The following GREB1 variants were observed in gnomAD, a reference collection of about 807,000 sequenced individuals.
The protein encoded by GREB1 is growth regulating estrogen receptor binding 1, also known as protein GREB1.
A neutral mutation model predicts 200.7 loss-of-function variants in GREB1; 106 were observed. The ratio of observed to expected loss-of-function variants is 0.53; its 90% CI spans 0.45 to 0.62. The LOEUF (loss-of-function observed/expected upper bound fraction) is 0.62, where lower values mean the gene tolerates loss of function less well. Among genes scored for constraint, GREB1 ranks in the 20% least tolerant of loss-of-function variants. The pLI is 0.00. For synonymous variants in GREB1, 1,132 were observed against 1,092.4 expected, an observed-to-expected ratio of 1.04 and a Z score of -0.72; for missense variants, 2,243 against 2,556.8, an observed-to-expected ratio of 0.88 and a Z score of 2.65.
upstream of GREB1, among the ~76,000 whole-genome samples, chr2:11,529,585 C>A (rs1371802759): frequency 1.3e-5 from 2 of 152,206 alleles, no homozygotes; most frequent in Non-Finnish European, 2.9e-5. Flanking sequence ...AGTTCCCTGG[C>A]AGCTTTGTGA....
intron 1 of GREB1, among the ~76,000 whole-genome samples, chr2:11,550,206 A>C (rs1187900268): frequency 6.6e-6 from 1 of 152,210 alleles, no homozygotes; most frequent in Admixed American, 6.5e-5. Flanking sequence ...AACAAGAGCG[A>C]AACTCTGTCT....
chr2:11,504,771 C>T (rs960025805), intron 1 of GREB1, among the ~76,000 whole-genome samples: 3 of 152,138 alleles, frequency 2.0e-5, no homozygotes, highest in Admixed American at 2.0e-4. Context: ...TTGCTTATTT[C>T]TACTTGTTGG....
intron 9 of GREB1, chr2:11,587,693 T>TAA (rs767651127): frequency 3.1e-6 from 3 of 980,318 alleles, no homozygotes; most frequent in Non-Finnish European, 3.8e-6. Context: ...GAGTACAAGA[T>TAA]AACACACACA....
intron 6 of GREB1, among the ~76,000 whole-genome samples, chr2:11,578,801 C>G (rs914489167): frequency 6.6e-6 from 1 of 152,196 alleles, no homozygotes; most frequent in Non-Finnish European, 1.5e-5. Flanking sequence ...TGCTGCCATT[C>G]ACCCCGTGCT....
At chr2:11,531,247 G>C (rs1674062820), upstream of GREB1, among the ~76,000 whole-genome samples, 1 of 152,174 alleles carries the variant, frequency 6.6e-6, no homozygotes, top group Admixed American at 6.5e-5. Context: ...TGTTGAGCTA[G>C]AGCCTAGGCT....
chr2:11,630,163 G>A, intron 26 of GREB1, 54 bp downstream of exon 26: 1 of 1,565,358 alleles, frequency 6.4e-7, no homozygotes, highest in Non-Finnish European at 8.8e-7. Flanking sequence ...ACTGGGGACT[G>A]AGCCGGGGAC....
intron 2 of GREB1, among the ~76,000 whole-genome samples, chr2:11,558,644 G>A (rs1267827989): frequency 6.6e-6 from 1 of 152,158 alleles, no homozygotes; most frequent in Non-Finnish European, 1.5e-5. Flanking sequence ...ACTCTTTTTG[G>A]TTTGCTAAAT....
chr2:11,549,737 G>C (rs1205594542), intron 1 of GREB1, among the ~76,000 whole-genome samples: 2 of 152,106 alleles, frequency 1.3e-5, no homozygotes, highest in Non-Finnish European at 2.9e-5. Context: ...TTCTGTTCTT[G>C]TTTTGTGGAT....
At position 11,610,997 on chromosome 2, in the gene GREB1, C is replaced by G; in HGVS notation, c.2976C>G (p.Thr992=). The change falls in exon 18 of 33, where the codon ACC becomes ACG. Residue 992 remains threonine, a synonymous_variant. Transcript: ENST00000381486. Reference sequence around the variant, plus strand: ...TGGGCAGTCCCAGCTCAGGCGTCACCGTGGGGAAGCACTTCGTAAAGCAGC... The same window carrying G: ...TGGGCAGTCCCAGCTCAGGCGTCACGGTGGGGAAGCACTTCGTAAAGCAGC... The part of the protein sequence containing the change: ...IILGSPSSGV[T]VGKHFVKQLR... The G allele has an allele frequency of 6.2e-7, 1 of 1,600,930 alleles. No homozygotes were observed. Among genetic ancestry groups the G allele is most frequent in the Non-Finnish European group, 8.5e-7 (1 of 1,173,870 alleles).
At chr2:11,596,302 T>G in intron 13 of GREB1, 63 bp downstream of exon 13, 3 of 1,486,182 alleles carry the variant, frequency 2.0e-6, no homozygotes, top group Non-Finnish European at 2.8e-6. Context: ...AGGGGCAGGG[T>G]CAGTGGGCGC....
chr2:11,638,482 C>T (rs1182555321), intron 31 of GREB1, among the ~76,000 whole-genome samples, 189 bp from the exon 32 acceptor site: 2 of 152,148 alleles, frequency 1.3e-5, no homozygotes, highest in Non-Finnish European at 2.9e-5. Context: ...CTAGATAAAT[C>T]TGGATAAAAC....
chr2:11,552,719 G>T lies in GREB1; in HGVS notation c.-161-3735G>T, dbSNP rs532707738. On this transcript the variant is annotated intron_variant, in intron 1 of 32. Coordinates refer to ENST00000381486, the MANE Select transcript of GREB1 (RefSeq NM_014668.4). ...TGTGGCCACAATGGAATAACAAAAAGAGCCGCAGTTGGCCGGGCGCGGTGG... is the reference window on the plus strand; with the variant it reads ...TGTGGCCACAATGGAATAACAAAAATAGCCGCAGTTGGCCGGGCGCGGTGG... 2.0e-5 allele frequency among the ~76,000 whole-genome samples: 3 copies of T among 152,256 alleles called. No individual in the cohort carries two copies. In the South Asian group the frequency reaches 6.2e-4, roughly 32 times the overall value.
At chr2:11,563,765 T>C (rs1371953634) in intron 3 of GREB1, among the ~76,000 whole-genome samples, 1 of 152,252 alleles carries the variant, frequency 6.6e-6, no homozygotes, top group African/African-American at 2.4e-5. Flanking sequence ...TCCTTAGTTA[T>C]TTAAGATAAC....
At position 11,585,757 on chromosome 2, in the gene GREB1, C is replaced by T. The variant is rs753872366; in HGVS notation, c.1016-5C>T. On this transcript the variant is annotated splice_polypyrimidine_tract_variant and splice_region_variant and intron_variant, in intron 8 of 32. Coordinates refer to ENST00000381486, the MANE Select transcript of GREB1 (RefSeq NM_014668.4). Reference sequence around the variant, plus strand: ...GTTTTCACTAATATTCTTGGGTGTTCCTAGAGAGCGCAGGCATGTCCTGCG... The same window carrying T: ...GTTTTCACTAATATTCTTGGGTGTTTCTAGAGAGCGCAGGCATGTCCTGCG... 1.2e-6 allele frequency: 2 copies of T among 1,612,616 alleles called. No individual in the cohort carries two copies. Among genetic ancestry groups the T allele is most frequent in the South Asian group, 1.1e-5 (1 of 91,004 alleles).
rs1677691478 is a variant in GREB1 at position 11,566,595 on chromosome 2, C to G, written c.393C>G (p.Leu131=). Residue 131 remains leucine (L), a synonymous_variant, in exon 4 of 33, where the codon CTC becomes CTG. Transcript: ENST00000381486. The stretch of plus-strand genomic sequence containing the variant: ...AGTCCCCCAGCCTGCCGGACCATCT[C>G]CTGGTGTGCGCCGTTGACAAGAGGT... The part of the protein sequence containing the change: ...GVKSPSLPDH[L]LVCAVDKRFL... 5.0e-6 allele frequency: 8 copies of G among 1,614,152 alleles called. No homozygotes were observed. Among genetic ancestry groups the G allele is most frequent in the Non-Finnish European group, 6.8e-6 (8 of 1,180,016 alleles).
chr2:11,588,155 G>T, intron 9 of GREB1: 1 of 466,942 alleles, frequency 2.1e-6, no homozygotes, highest in Non-Finnish European at 2.8e-6. Flanking sequence ...CTTGAACTTG[G>T]GAGGCAGAGG....
At chr2:11,485,275 A>ATATATT (rs1312218903) in intron 1 of GREB1, among the ~76,000 whole-genome samples, 1 of 133,776 alleles carries the variant, frequency 7.5e-6, no homozygotes, top group African/African-American at 2.8e-5. Flanking sequence ...ATATATATGT[A>ATATATT]TTTTTTTTTT....
At chr2:11,601,043 G>T (rs545496415) in intron 16 of GREB1, 48 bp downstream of exon 16, 10 of 1,489,156 alleles carry the variant, frequency 6.7e-6, no homozygotes, top group Non-Finnish European at 9.2e-6. Context: ...TATCACTTGG[G>T]TTTGCAGAAA....
rs114794485 is a variant in GREB1 at position 11,543,878 on chromosome 2, T to G, written c.-162+9624T>G. ...CTGGGTGGTGTGAAGAAATGGGTAT[T>G]GACGCCCGTCTGTGAATGGACCGGG... is the stretch of plus-strand genomic sequence containing the variant. On this transcript the variant is annotated intron_variant, in intron 1 of 32. Transcript: ENST00000381486. Among the ~76,000 whole-genome samples, 764 of 152,194 alleles carry G rather than the reference T, an allele frequency of 5.0e-3. 2 individuals are homozygous for G. Among genetic ancestry groups the G allele is most frequent in the African/African-American group, 0.018 (739 of 41,516 alleles).
Sources: gnomAD v4.1 joint callset for allele counts (sites outside exome capture counted in the v4.1 genomes callset) on GRCh38, gnomAD v4.1.1 for gene constraint, MANE v1.5 for transcripts, NCBI Gene and HGNC (gene_info 2026-07-23, HGNC 2026-07-21) for gene names.